The following ZNF44 variants were observed in gnomAD, a reference collection of about 807,000 sequenced individuals.
The protein encoded by ZNF44 is zinc finger protein 44.
Under a neutral mutation model 11.7 loss-of-function variants are expected in ZNF44, and 9 were observed. That is an observed-to-expected ratio of 0.77 (90% CI 0.46 to 1.35). The LOEUF is 1.35. Among genes scored for constraint, ZNF44 ranks in the 40% most tolerant of loss-of-function variants. The pLI is 0.00. For missense variants in ZNF44, 696 were observed against 743.1 expected, an observed-to-expected ratio of 0.94 and a Z score of 0.74; for synonymous variants, 224 against 242.7, an observed-to-expected ratio of 0.92 and a Z score of 0.72.
chr19:12,274,704 G>C (rs1967139055), intron 3 of ZNF44, among the ~76,000 whole-genome samples: 1 of 151,966 alleles, frequency 6.6e-6, no homozygotes, highest in Non-Finnish European at 1.5e-5. Context: ...CAAAGTGCTG[G>C]GATTGCGGGC....
Position 12,230,777 on chromosome 19 carries a change from G to A in ZNF44, n.381-262C>T, listed in dbSNP as rs1007231212. 4.6e-5 allele frequency among the ~76,000 whole-genome samples: 7 copies of A among 152,314 alleles called. No individual in the cohort carries two copies. In the East Asian group the frequency reaches 1.4e-3, roughly 29 times the overall value. Reference sequence around the variant, plus strand: ...GGTTTATTTTAGAAAAAACCTGAGAGGGGCTTCTGGCTGATTTCTGTCAGA... The same window carrying A: ...GGTTTATTTTAGAAAAAACCTGAGAAGGGCTTCTGGCTGATTTCTGTCAGA... On this transcript the variant is annotated intron_variant and non_coding_transcript_variant, in intron 2 of 3. Coordinates refer to the ZNF44 transcript ENST00000597563.
In ZNF44 at chr19:12,273,735, A is replaced by G. The variant is rs746861849; in HGVS notation, c.520T>C (p.Cys174Arg). The change falls in exon 4 of 4, where the codon TGT (cysteine) becomes CGT (arginine). Residue 174 changes from cysteine (C) to arginine (R), a missense_variant. Coordinates refer to ENST00000355684, the MANE Select transcript of ZNF44 (RefSeq NM_016264.4). Reference sequence around the variant, plus strand: ...CCAGGAGAACTGAAGGTTTTTCCACATTCCTTACAATCATAGGGTTTCTTT... The same window carrying G: ...CCAGGAGAACTGAAGGTTTTTCCACGTTCCTTACAATCATAGGGTTTCTTT... ...TGKKPYDCKE[C>R]GKTFSSPGNL... 3.1e-6 allele frequency: 5 copies of G among 1,614,114 alleles called. No individual in the cohort carries two copies. Among genetic ancestry groups the G allele is most frequent in the Middle Eastern group, 1.6e-4 (1 of 6,062 alleles).
chr19:12,272,664 G>A lies in ZNF44; in HGVS notation c.1591C>T (p.Pro531Ser), dbSNP rs745993422. Residue 531 changes from proline to serine, a missense_variant, in exon 4 of 4, where the codon CCA becomes TCA. Transcript: ENST00000355684. ...TTCCTGCATTGCTTACATTCATATG[G>A]CTTCTCTGCCGTGTGAGTCCTTTCA... ...THERTHTAEK[P>S]YECKQCRKAF... 6 of 1,613,822 alleles carry A rather than the reference G, an allele frequency of 3.7e-6. No homozygotes were observed. The highest frequency in any genetic ancestry group is 5.1e-6 in the Non-Finnish European group (6 of 1,179,900).
chr19:12,272,507 G>C lies in ZNF44; in HGVS notation c.1748C>G (p.Thr583Ser), dbSNP rs757225862. The change falls in exon 4 of 4, where the codon ACT becomes AGT. Residue 583 changes from threonine to serine, a missense_variant. Coordinates refer to ENST00000355684, the MANE Select transcript of ZNF44 (RefSeq NM_016264.4). ...SFCREHERTH[T>S]GEKPYECKEC... ...CTTACATTCATAGGGCTTCTCTCCA[G>C]TGTGAGTTCTTTCATGTTCTCGACA... is the stretch of plus-strand genomic sequence containing the variant. 1 of 1,613,130 alleles carries C rather than the reference G, an allele frequency of 6.2e-7. No individual in the cohort carries two copies.
intron 5 of ZNF44, chr19:12,260,559 A>G (rs146545508): frequency 0.016 from 12,348 of 762,490 alleles, 131 homozygotes; most frequent in Non-Finnish European, 0.021. Context: ...CCAAAGCAAT[A>G]AAGAGTCAGC....
chr19:12,266,370 A>T, intron 5 of ZNF44: 1 of 980,022 alleles, frequency 1.0e-6, no homozygotes, highest in South Asian at 4.7e-5. Flanking sequence ...ACACACCCTC[A>T]GCACTTTCAG....
chr19:12,238,764 C>T (rs930873775), upstream of ZNF44, among the ~76,000 whole-genome samples: 4 of 152,154 alleles, frequency 2.6e-5, no homozygotes, highest in Non-Finnish European at 5.9e-5. Flanking sequence ...CCACTGCACT[C>T]CAGCCTGGGC....
chr19:12,262,427 C>G (rs1175764937), intron 5 of ZNF44, among the ~76,000 whole-genome samples: 1 of 152,008 alleles, frequency 6.6e-6, no homozygotes, highest in Non-Finnish European at 1.5e-5. Context: ...CACACCACCA[C>G]ACCAGGCTAA....
chr19:12,266,260 G>T, intron 5 of ZNF44: 1 of 985,330 alleles, frequency 1.0e-6, no homozygotes, highest in Non-Finnish European at 1.2e-6. Flanking sequence ...CGGGACCCCA[G>T]CCCGGCACAC....
downstream of ZNF44, among the ~76,000 whole-genome samples, chr19:12,270,796 C>T (rs555167591): frequency 1.3e-5 from 2 of 152,246 alleles, no homozygotes; most frequent in African/African-American, 2.4e-5. Context: ...GATTCTAACC[C>T]TGACTGTACC....
chr19:12,275,825 C>T (rs866420348), intron 2 of ZNF44, 131 bp downstream of exon 2: 1 of 1,213,618 alleles, frequency 8.2e-7, no homozygotes, highest in South Asian at 1.5e-5. Flanking sequence ...AGGTTGGGGC[C>T]TGGCACTTCA....
chr19:12,260,463 G>A, intron 5 of ZNF44: 2 of 1,362,238 alleles, frequency 1.5e-6, no homozygotes, highest in Non-Finnish European at 2.1e-6. Context: ...CATCCGCAGG[G>A]TCAGCGCCAT....
intron 1 of ZNF44, among the ~76,000 whole-genome samples, chr19:12,286,842 T>C (rs1199418842): frequency 6.6e-6 from 1 of 151,226 alleles, no homozygotes; most frequent in Non-Finnish European, 1.5e-5. Flanking sequence ...TCCCAGCTAC[T>C]CGGGAGGCTG....
At chr19:12,258,592 G>A (rs1430194325) in intron 5 of ZNF44, among the ~76,000 whole-genome samples, 3 of 152,068 alleles carry the variant, frequency 2.0e-5, no homozygotes. Flanking sequence ...CACACTGGGA[G>A]GCCACAGCAG....
intron 2 of ZNF44, among the ~76,000 whole-genome samples, chr19:12,231,576 C>G (rs529721181): frequency 6.6e-6 from 1 of 152,126 alleles, no homozygotes; most frequent in African/African-American, 2.4e-5. Context: ...ATCCTTGATG[C>G]AGTGGAAATG....
At chr19:12,287,112 G>A (rs1174279516) in intron 1 of ZNF44, among the ~76,000 whole-genome samples, 2 of 151,132 alleles carry the variant, frequency 1.3e-5, no homozygotes, top group Non-Finnish European at 2.9e-5. Flanking sequence ...GAGTACCAGT[G>A]CAATTTTACT....
chr19:12,226,596 C>T (rs1452104056), intron 3 of ZNF44: 1 of 152,148 alleles, frequency 6.6e-6, no homozygotes, highest in East Asian at 1.9e-4. Flanking sequence ...CTTAAGAATA[C>T]ATACAGATAG....
chr19:12,265,686 C>T (rs1443743850), intron 5 of ZNF44, among the ~76,000 whole-genome samples: 1 of 152,134 alleles, frequency 6.6e-6, no homozygotes, highest in Non-Finnish European at 1.5e-5. Flanking sequence ...GAGGCACAAC[C>T]ATTTCATACA....
At chr19:12,276,195 G>T in intron 1 of ZNF44, 113 bp from the exon 2 acceptor site, 1 of 1,477,172 alleles carries the variant, frequency 6.8e-7, no homozygotes, top group Non-Finnish European at 9.3e-7. Flanking sequence ...TTTATTCAAT[G>T]ACGTGGTAAA....
Sources: allele counts gnomAD v4.1 joint callset (sites outside exome capture counted in the v4.1 genomes callset), GRCh38; gene constraint gnomAD v4.1.1; transcripts MANE v1.5; gene names NCBI Gene and HGNC (gene_info 2026-07-23, HGNC 2026-07-21).